PLBD2: variants seen among roughly 807,000 people sequenced by gnomAD.
PLBD2 encodes phospholipase B domain containing 2.
In PLBD2, 51 loss-of-function variants were observed where a neutral mutation model predicts 68.3. The ratio of observed to expected loss-of-function variants is 0.75; its 90% CI spans 0.60 to 0.94. PLBD2 has a LOEUF of 0.94. Ranked by LOEUF, PLBD2 falls within the 40% of genes least tolerant of loss-of-function variation. The pLI is 0.00. For synonymous variants in PLBD2, 314 were observed against 339.3 expected (o/e 0.93, Z 0.82); for missense variants, 729 against 792.2 (o/e 0.92, Z 0.96).
intron 6 of PLBD2, among the ~76,000 whole-genome samples, chr12:113,382,835 TTGTGTG>T (rs1209547269): frequency 8.3e-4 from 89 of 106,608 alleles, no homozygotes; most frequent in African/African-American, 1.8e-3. Flanking sequence ...TGGTGGTTTT[TTGTGTG>T]TGTGTGTGTG....
rs754381178 is a variant in PLBD2 at position 113,369,224 on chromosome 12, G to C, written c.384+15G>C. The C allele has an allele frequency of 6.3e-7, 1 of 1,575,858 alleles. No individual in the cohort carries two copies. The highest frequency in any genetic ancestry group is 8.6e-7 in the Non-Finnish European group (1 of 1,159,628). On this transcript the variant is annotated intron_variant, in intron 2 of 11. Transcript: ENST00000280800. ...TGTCGGAGGAGGTAAGGGCCAAGGT[G>C]GGGACATGGGGCTCCCACCCTGCCC...
intron 5 of PLBD2, among the ~76,000 whole-genome samples, chr12:113,380,373 G>T (rs759132624): frequency 6.6e-6 from 1 of 152,194 alleles, no homozygotes; most frequent in Non-Finnish European, 1.5e-5. Flanking sequence ...CTGACCTCGT[G>T]ATCCGCCTGC....
At position 113,391,016 on chromosome 12, in the gene PLBD2, C is replaced by T. The variant is rs1957606401; in HGVS notation, c.*2390C>T. ...TATCTATTTTCTATCCATCAGCCAT[C>T]CATTCATTCATATCCATCCATCCAT... On this transcript the variant is annotated 3_prime_UTR_variant, in exon 12 of 12. Transcript: ENST00000280800. The T allele has an allele frequency of 6.6e-6, 1 of 152,134 alleles. No homozygotes were observed. Among genetic ancestry groups the T allele is most frequent in the African/African-American group, 2.4e-5 (1 of 41,418 alleles). 9.4% of individuals were successfully genotyped at this position (152,134 alleles called of 1,614,324 possible).
intron 1 of PLBD2, among the ~76,000 whole-genome samples, chr12:113,360,096 A>C (rs530117992): frequency 1.3e-5 from 2 of 152,288 alleles, no homozygotes; most frequent in African/African-American, 4.8e-5. Context: ...CAGGATGCCG[A>C]GGACACCCCC....
intron 1 of PLBD2, among the ~76,000 whole-genome samples, chr12:113,360,053 C>T (rs541770425): frequency 6.6e-5 from 10 of 152,344 alleles, no homozygotes; most frequent in African/African-American, 2.4e-4. Flanking sequence ...ATTTTACTGG[C>T]ATCCATTGGC....
intron 2 of PLBD2, among the ~76,000 whole-genome samples, chr12:113,371,903 G>A (rs993631863): frequency 6.6e-6 from 1 of 152,226 alleles, no homozygotes; most frequent in African/African-American, 2.4e-5. Flanking sequence ...CCTTCTTGTG[G>A]GTGGTAATAT....
intron 3 of PLBD2, among the ~76,000 whole-genome samples, chr12:113,374,259 A>G (rs941877351): frequency 4.6e-5 from 7 of 152,304 alleles, no homozygotes; most frequent in Non-Finnish European, 7.3e-5. Context: ...AACACAGGGC[A>G]GAGACATAGA....
chr12:113,385,237 A>C lies in PLBD2; in HGVS notation c.1240A>C (p.Thr414Pro). ...IPGMVVVADK[T>P]SELYQKTYWA... ...CGGCATGGTGGTGGTGGCTGACAAG[A>C]CCTCGGAGCTCTACCAGAAGACCTA... The change falls in exon 9 of 12, where the codon ACC becomes CCC. Residue 414 changes from threonine (T) to proline (P), a missense_variant. Transcript: ENST00000280800. The C allele has an allele frequency of 1.2e-6, 2 of 1,613,858 alleles. No homozygotes were observed. The highest frequency in any genetic ancestry group is 1.7e-6 in the Non-Finnish European group (2 of 1,179,946).
In PLBD2 at chr12:113,378,683, C is replaced by CT. The variant is rs767651572; in HGVS notation, c.860-2046dup. Among the ~76,000 whole-genome samples the CT allele has an allele frequency of 6.5e-3, 920 of 140,732 alleles. 5 individuals are homozygous for CT. The highest frequency in any genetic ancestry group is 0.013 in the African/African-American group (506 of 38,438). 92.3% of individuals were successfully genotyped at this position (140,732 alleles called of 152,430 possible). ...GGTCCCACTGTGCCTTTTTCCTTTCCTTTTTTTTTTTTTTTTCTTTGAGAC... is the reference window on the plus strand; with the variant it reads ...GGTCCCACTGTGCCTTTTTCCTTTCCTTTTTTTTTTTTTTTTTCTTTGAGAC... On this transcript the variant is annotated intron_variant, in intron 5 of 11. Transcript: ENST00000280800.
At chr12:113,360,754 C>T (rs2136896456) in intron 1 of PLBD2, among the ~76,000 whole-genome samples, 1 of 152,334 alleles carries the variant, frequency 6.6e-6, no homozygotes, top group Middle Eastern at 3.4e-3. Context: ...ACCCTGGGTT[C>T]AAGCGATTCT....
rs1236731613 is a variant in PLBD2, at chr12:113,389,196, C to T, written c.*570C>T. ...ACAGAAACTTGAAAACAAACACAAA[C>T]CAAAGTTTCTGGCCATCTGTGGCTG... is the stretch of plus-strand genomic sequence containing the variant. On this transcript the variant is annotated 3_prime_UTR_variant, in exon 12 of 12. Transcript: ENST00000280800. The T allele has an allele frequency of 6.6e-6, 1 of 152,648 alleles. No homozygotes were observed. The highest frequency in any genetic ancestry group is 1.9e-4 in the East Asian group (1 of 5,192). The allele number at this position is 152,648 out of a possible 1,614,324, so 9.5% of individuals were successfully genotyped here. A position where few individuals can be genotyped will look rare whatever the true frequency, so the allele number is the denominator to read the frequency against.
chr12:113,382,835 T>TTTTTTTTGTGTGTG (rs1335785271), intron 6 of PLBD2, among the ~76,000 whole-genome samples: 2 of 106,610 alleles, frequency 1.9e-5, no homozygotes, highest in Admixed American at 1.1e-4. Context: ...TGGTGGTTTT[T>TTTTTTTTGTGTGTG]TGTGTGTGTG....
chr12:113,382,867 GTTTT>G (rs67376686), intron 6 of PLBD2, among the ~76,000 whole-genome samples: 6 of 81,798 alleles, frequency 7.3e-5, no homozygotes, highest in Admixed American at 5.3e-4. Flanking sequence ...GTGTGTGTGT[GTTTT>G]TTTTTTTTTT....
In PLBD2 at chr12:113,384,100, C is replaced by A; in HGVS notation, c.958-5C>A. On this transcript the variant is annotated splice_polypyrimidine_tract_variant and splice_region_variant and intron_variant, in intron 6 of 11. Coordinates refer to ENST00000280800, the MANE Select transcript of PLBD2 (RefSeq NM_173542.4). This position sits in a 1 kb window ranked among gnomAD's most constrained non-coding sequence, Gnocchi z 4.2. ...TGTGCAGCAGCCCCCTTGACCTTCC[C>A]ACAGGTGACACTGGAGACCACCATT... 6.2e-7 allele frequency: 1 copy of A among 1,602,804 alleles called. No individual in the cohort carries two copies. The highest frequency in any genetic ancestry group is 8.5e-7 in the Non-Finnish European group (1 of 1,172,924).
At position 113,382,972 on chromosome 12, in the gene PLBD2, A is replaced by G. The variant is rs182270644; in HGVS notation, c.958-1133A>G. Among the ~76,000 whole-genome samples, 3 of 150,454 alleles carry G rather than the reference A, an allele frequency of 2.0e-5. No homozygotes were observed. In the East Asian group the frequency reaches 5.9e-4, roughly 30 times the overall value. ...CTGCAACCTTCGCTTCCAGGGTTCA[A>G]GTGATTCTCATGCCTCAGCCTCCGA... On this transcript the variant is annotated intron_variant, in intron 6 of 11. Coordinates refer to ENST00000280800, the MANE Select transcript of PLBD2 (RefSeq NM_173542.4).
intron 6 of PLBD2, among the ~76,000 whole-genome samples, chr12:113,382,835 T>TTTTTGTG (rs1335785271): frequency 4.6e-4 from 49 of 106,590 alleles, no homozygotes; most frequent in African/African-American, 1.8e-3. Context: ...TGGTGGTTTT[T>TTTTTGTG]TGTGTGTGTG....
At chr12:113,368,334 T>C (rs1319021644) in intron 1 of PLBD2, among the ~76,000 whole-genome samples, 1 of 152,158 alleles carries the variant, frequency 6.6e-6, no homozygotes, top group Non-Finnish European at 1.5e-5. Flanking sequence ...ACCAACAACA[T>C]TGATTCTCAT....
chr12:113,385,136 G>A, intron 8 of PLBD2, 76 bp from the exon 9 acceptor site: 27 of 1,514,210 alleles, frequency 1.8e-5, no homozygotes, highest in Non-Finnish European at 2.5e-5. Context: ...GAGCCATCGG[G>A]GCTCCCCGAG....
In PLBD2 at chr12:113,384,126, GGCAACAA is replaced by G. The variant is rs1957523439; in HGVS notation, c.981_987del (p.Asn328ThrfsTer50). ...ACAGGTGACACTGGAGACCACCATT[GGCAACAA>G]GAACCCAGCCCTGTGGAAGTATGTG... On this transcript the variant is annotated frameshift_variant, in exon 7 of 12. Coordinates refer to ENST00000280800, the MANE Select transcript of PLBD2 (RefSeq NM_173542.4). LOFTEE classifies it high-confidence loss of function. This position sits in a 1 kb window ranked among gnomAD's most constrained non-coding sequence, Gnocchi z 4.2. 6.2e-7 allele frequency: 1 copy of G among 1,611,046 alleles called. No individual in the cohort carries two copies. Among genetic ancestry groups the G allele is most frequent in the Non-Finnish European group, 8.5e-7 (1 of 1,178,102 alleles).
Sources: allele counts gnomAD v4.1 joint callset (sites outside exome capture counted in the v4.1 genomes callset), GRCh38; gene constraint gnomAD v4.1.1; non-coding constraint Gnocchi (gnomAD v3.1); transcripts MANE v1.5; gene names NCBI Gene and HGNC (gene_info 2026-07-23, HGNC 2026-07-21).